TSPAN2: variants seen among roughly 807,000 people sequenced by gnomAD.
TSPAN2 encodes tetraspanin 2, also known as tetraspanin-2.
Under a neutral mutation model 33.3 loss-of-function variants are expected in TSPAN2, and 24 were observed. That is an observed-to-expected ratio of 0.72 (90% CI 0.52 to 1.01). The LOEUF (loss-of-function observed/expected upper bound fraction) is 1.01. Among genes scored for constraint, TSPAN2 ranks in the 50% least tolerant of loss-of-function variants. The probability of loss-of-function intolerance (pLI) is 0.00; values close to 1 mark genes in which losing one functional copy is unlikely to be tolerated. For synonymous variants in TSPAN2, 114 were observed against 104.5 expected, an observed-to-expected ratio of 1.09 and a Z score of -0.56; for missense variants, 278 against 281.3, an observed-to-expected ratio of 0.99 and a Z score of 0.08.
rs977683159 is a variant in TSPAN2, at chr1:115,048,539, A to G, written c.*1951T>C. ...TATTTCTATTCTTCCACTTTTAACT[A>G]TTATAGTCTCCTTTAAAGTTGTTAA... On this transcript the variant is annotated 3_prime_UTR_variant, in exon 8 of 8. Transcript: ENST00000369516. The G allele has an allele frequency of 1.3e-5, 2 of 151,940 alleles. No individual in the cohort carries two copies. Among genetic ancestry groups the G allele is most frequent in the South Asian group, 4.1e-4 (2 of 4,824 alleles). 9.4% of individuals were successfully genotyped at this position (151,940 alleles called of 1,614,324 possible).
chr1:115,053,291 A>T, intron 7 of TSPAN2, 88 bp downstream of exon 7: 1 of 1,163,152 alleles, frequency 8.6e-7, no homozygotes, highest in Non-Finnish European at 1.3e-6. Flanking sequence ...ATTCTCTCTT[A>T]AGATACTATC....
At chr1:115,080,448 A>AT (rs1264878989) in intron 1 of TSPAN2, among the ~76,000 whole-genome samples, 1 of 151,726 alleles carries the variant, frequency 6.6e-6, no homozygotes, top group South Asian at 2.1e-4. Flanking sequence ...ATTTTTTTCT[A>AT]TTTTTTGGTA....
chr1:115,070,101 C>G (rs891953722), intron 2 of TSPAN2, among the ~76,000 whole-genome samples: 1 of 152,174 alleles, frequency 6.6e-6, no homozygotes, highest in Non-Finnish European at 1.5e-5. Flanking sequence ...TAGCGCCACG[C>G]AACGGCCCCT....
chr1:115,062,312 C>T (rs1570970580), intron 2 of TSPAN2, 80 bp from the exon 3 acceptor site: 1 of 1,056,140 alleles, frequency 9.5e-7, no homozygotes, highest in Non-Finnish European at 1.4e-6. Flanking sequence ...ACTCTGGGCA[C>T]TGCAGAGCAT....
chr1:115,055,935 T>G (rs998162027), intron 6 of TSPAN2, among the ~76,000 whole-genome samples: 3 of 152,230 alleles, frequency 2.0e-5, no homozygotes, highest in Non-Finnish European at 4.4e-5. Context: ...GTAATGAGCA[T>G]GATTTGCACA....
chr1:115,057,837 C>T (rs1647497539), intron 5 of TSPAN2, among the ~76,000 whole-genome samples: 1 of 152,214 alleles, frequency 6.6e-6, no homozygotes, highest in Non-Finnish European at 1.5e-5. Flanking sequence ...GGAAGTGACT[C>T]AAGGCAACCC....
In TSPAN2 at chr1:115,085,692, G is replaced by A. The variant is rs187303019; in HGVS notation, c.69+3672C>T. Among the ~76,000 whole-genome samples, 11 of 152,196 alleles carry A rather than the reference G, an allele frequency of 7.2e-5. No individual in the cohort carries two copies. The East Asian group carries it at 2.1e-3, about 29-fold the overall frequency. Reference sequence around the variant, plus strand: ...CAAAAAAACAACTTTAGAAACTTGAGTGGGGCTTTTCTGGAATCAGGTTCC... The same window carrying A: ...CAAAAAAACAACTTTAGAAACTTGAATGGGGCTTTTCTGGAATCAGGTTCC... On this transcript the variant is annotated intron_variant, in intron 1 of 7. Transcript: ENST00000369516.
rs149565623 is a variant in TSPAN2 at position 115,066,867 on chromosome 1, C to T, written c.173-4635G>A. On this transcript the variant is annotated intron_variant, in intron 2 of 7. Coordinates refer to ENST00000369516, the MANE Select transcript of TSPAN2 (RefSeq NM_005725.6). The stretch of plus-strand genomic sequence containing the variant: ...TTACACTGGTTGAGCATTCCTAATC[C>T]GAAAATCCCAAATCTGAAATTATCC... Among the ~76,000 whole-genome samples the T allele has an allele frequency of 3.8e-3, 574 of 152,182 alleles. 13 individuals are homozygous for T. The highest frequency in any genetic ancestry group is 1.7e-3 in the East Asian group (9 of 5,184).
chr1:115,054,863 T>C (rs1647332762), intron 6 of TSPAN2, among the ~76,000 whole-genome samples: 1 of 152,122 alleles, frequency 6.6e-6, no homozygotes, highest in South Asian at 2.1e-4. Context: ...GGCACCTACC[T>C]GTAATCCCAG....
At chr1:115,064,035 A>C (rs1339585277) in intron 2 of TSPAN2, among the ~76,000 whole-genome samples, 5 of 149,684 alleles carry the variant, frequency 3.3e-5, no homozygotes, top group Non-Finnish European at 5.9e-5. Context: ...GTACCCCCTG[A>C]TTCTAAAATG....
chr1:115,061,077 T>C (rs1480433528), intron 3 of TSPAN2, among the ~76,000 whole-genome samples: 1 of 152,176 alleles, frequency 6.6e-6, no homozygotes, highest in Non-Finnish European at 1.5e-5. Flanking sequence ...TCTATGGATT[T>C]GCTCTGATCA....
Position 115,089,383 on chromosome 1 carries a change from C to A in TSPAN2, c.50G>T (p.Gly17Val). The A allele has an allele frequency of 2.5e-6, 4 of 1,595,750 alleles. No homozygotes were observed. The highest frequency in any genetic ancestry group is 3.4e-6 in the Non-Finnish European group (4 of 1,172,524). Residue 17 changes from glycine (G) to valine (V), a missense_variant, in exon 1 of 8, where the codon GGC (glycine) becomes GTC (valine). Coordinates refer to ENST00000369516, the MANE Select transcript of TSPAN2 (RefSeq NM_005725.6). Reference protein sequence around the residue: ...GLRCIKYLLLGFNLLFWLAGS... With the variant: ...GLRCIKYLLLVFNLLFWLAGS... ...TCTCACCCAGAAGAGCAGGTTGAAGCCAAGCAGCAGGTACTTGATGCACCG... is the reference window on the plus strand; with the variant it reads ...TCTCACCCAGAAGAGCAGGTTGAAGACAAGCAGCAGGTACTTGATGCACCG...
At chr1:115,083,823 C>T (rs1207466111) in intron 1 of TSPAN2, among the ~76,000 whole-genome samples, 1 of 152,192 alleles carries the variant, frequency 6.6e-6, no homozygotes, top group Non-Finnish European at 1.5e-5. Flanking sequence ...CTATTAGGTA[C>T]TGAGGGATTG....
intron 2 of TSPAN2, among the ~76,000 whole-genome samples, chr1:115,070,397 G>A (rs899248572): frequency 6.9e-6 from 1 of 144,698 alleles, no homozygotes; most frequent in Non-Finnish European, 1.5e-5. Flanking sequence ...TTCTGTCCTG[G>A]GATTCCCCTT....
rs888286882 is a variant in TSPAN2 at position 115,083,253 on chromosome 1, C to T, written c.69+6111G>A. Among the ~76,000 whole-genome samples, 7 of 152,166 alleles carry T rather than the reference C, an allele frequency of 4.6e-5. No homozygotes were observed. In the East Asian group the frequency reaches 9.6e-4, roughly 21 times the overall value. On this transcript the variant is annotated intron_variant, in intron 1 of 7. Transcript: ENST00000369516. Reference sequence around the variant, plus strand: ...TGTCAAGGTTGGGGGATAGAGGTTACGTTCTCTTTTGTCACACATGGTTGG... The same window carrying T: ...TGTCAAGGTTGGGGGATAGAGGTTATGTTCTCTTTTGTCACACATGGTTGG...
rs146251680 is a variant in TSPAN2, at chr1:115,086,720, T to C, written c.69+2644A>G. On this transcript the variant is annotated intron_variant, in intron 1 of 7. Coordinates refer to ENST00000369516, the MANE Select transcript of TSPAN2 (RefSeq NM_005725.6). ...TTGTTCCATATCCACTGGTCTCGTT[T>C]CCTCAATGAGATGAGCAGCTTAGGG... Among the ~76,000 whole-genome samples the C allele has an allele frequency of 2.6e-5, 4 of 152,364 alleles. No individual in the cohort carries two copies. In the East Asian group the frequency reaches 7.7e-4, roughly 29 times the overall value.
Position 115,050,334 on chromosome 1 carries a change from G to T in TSPAN2, c.*156C>A. 1 of 708,858 alleles carries T rather than the reference G, an allele frequency of 1.4e-6. No homozygotes were observed. The allele number at this position is 708,858 out of a possible 1,614,324, so 43.9% of individuals were successfully genotyped here. A position where few individuals can be genotyped will look rare whatever the true frequency, so the allele number is the denominator to read the frequency against. The stretch of plus-strand genomic sequence containing the variant: ...AGGCATTCACTCAAGGGGTAAACCA[G>T]TAATGAGCCAAACATACGTACTCAT... On this transcript the variant is annotated 3_prime_UTR_variant, in exon 8 of 8. Transcript: ENST00000369516.
At chr1:115,081,793 T>C (rs1025190705) in intron 1 of TSPAN2, among the ~76,000 whole-genome samples, 1 of 152,242 alleles carries the variant, frequency 6.6e-6, no homozygotes, top group Admixed American at 6.5e-5. Context: ...AAAAGCTTAA[T>C]CTTCAAGATA....
At position 115,048,186 on chromosome 1, in the gene TSPAN2, T is replaced by TAC. The variant is rs773188825; in HGVS notation, c.*2302_*2303dup. 8.0e-5 allele frequency: 12 copies of TAC among 150,354 alleles called. No individual in the cohort carries two copies. Among genetic ancestry groups the TAC allele is most frequent in the South Asian group, 2.1e-4 (1 of 4,784 alleles). The allele number at this position is 150,354 out of a possible 1,614,324, so 9.3% of individuals were successfully genotyped here. ...GTATATGTGTATGTATATATATATATACACACACATCTGTATATACATACA... is the reference window on the plus strand; with the variant it reads ...GTATATGTGTATGTATATATATATATACACACACACATCTGTATATACATACA... On this transcript the variant is annotated 3_prime_UTR_variant, in exon 8 of 8. Transcript: ENST00000369516.
Sources: gnomAD v4.1 joint callset for allele counts (sites outside exome capture counted in the v4.1 genomes callset) on GRCh38, gnomAD v4.1.1 for gene constraint, MANE v1.5 for transcripts, NCBI Gene and HGNC (gene_info 2026-07-23, HGNC 2026-07-21) for gene names.